Variants in TGFB2 observed in about 807,000 individuals in gnomAD.
TGFB2 encodes the protein transforming growth factor beta 2.
Under a neutral mutation model 42.7 loss-of-function variants are expected in TGFB2, and 13 were observed. That is an observed-to-expected ratio of 0.30 (90% CI 0.20 to 0.48). The LOEUF is 0.48. Ranked by LOEUF, TGFB2 falls within the 20% of genes least tolerant of loss-of-function variation. TGFB2 has a pLI of 0.99. For synonymous variants in TGFB2, 193 were observed against 193.6 expected (o/e 1.00, Z 0.03); for missense variants, 390 against 517.5 (o/e 0.75, Z 2.39).
intron 1 of TGFB2, among the ~76,000 whole-genome samples, chr1:218,390,555 T>A (rs1658287466): frequency 6.6e-6 from 1 of 152,074 alleles, no homozygotes; most frequent in Non-Finnish European, 1.5e-5. Flanking sequence ...AGCTAAACTA[T>A]AGGGGCTTGC....
At chr1:218,388,334 C>T (rs540083986) in intron 1 of TGFB2, among the ~76,000 whole-genome samples, 1 of 151,998 alleles carries the variant, frequency 6.6e-6, no homozygotes, top group Non-Finnish European at 1.5e-5. Context: ...TTGGCCCCCC[C>T]ACATCCAGAG....
chr1:218,346,246 C>G lies in TGFB2; in HGVS notation c.-456C>G, dbSNP rs979600340. ...ACCGCGCTCCCGGCGCCCCTCCCGTCAGTTCGCCAGCTGCCAGCCCCGGGA... is the reference window on the plus strand; with the variant it reads ...ACCGCGCTCCCGGCGCCCCTCCCGTGAGTTCGCCAGCTGCCAGCCCCGGGA... On this transcript the variant is annotated 5_prime_UTR_variant, in exon 1 of 7. Coordinates refer to ENST00000366930, the MANE Select transcript of TGFB2 (RefSeq NM_003238.6). This position sits in a 1 kb window ranked among gnomAD's most constrained non-coding sequence, Gnocchi z 4.9. The G allele has an allele frequency of 2.6e-5, 4 of 156,158 alleles. No individual in the cohort carries two copies. Among genetic ancestry groups the G allele is most frequent in the African/African-American group, 9.6e-5 (4 of 41,502 alleles). The allele number at this position is 156,158 out of a possible 1,614,324, so 9.7% of individuals were successfully genotyped here.
chr1:218,391,796 G>T (rs1043459749), intron 1 of TGFB2, among the ~76,000 whole-genome samples: 2 of 152,234 alleles, frequency 1.3e-5, no homozygotes, highest in East Asian at 1.9e-4. Flanking sequence ...TGAGTGCAAA[G>T]GTCAAAAAAT....
At chr1:218,378,204 T>G (rs936588289) in intron 1 of TGFB2, among the ~76,000 whole-genome samples, 2 of 151,046 alleles carry the variant, frequency 1.3e-5, no homozygotes, top group Non-Finnish European at 2.9e-5. Flanking sequence ...GGAGTCTTGC[T>G]CTGTCGCACC....
intron 6 of TGFB2, among the ~76,000 whole-genome samples, chr1:218,438,414 A>G (rs1179927146): frequency 6.6e-6 from 1 of 152,206 alleles, no homozygotes; most frequent in Non-Finnish European, 1.5e-5. Flanking sequence ...CAATTTACTA[A>G]TGTATGACAG....
intron 2 of TGFB2, among the ~76,000 whole-genome samples, chr1:218,409,315 G>A (rs1343457894): frequency 6.6e-6 from 1 of 152,204 alleles, no homozygotes; most frequent in African/African-American, 2.4e-5. Context: ...TCAGACCACA[G>A]AAGCAATGCC....
At chr1:218,423,119 A>G (rs6657275) in intron 2 of TGFB2, among the ~76,000 whole-genome samples, 57,126 of 152,044 alleles carry the variant, frequency 0.38, 11,647 homozygotes, top group East Asian at 0.71. Context: ...AATGCTCACA[A>G]GAGTGTGTTC....
intron 1 of TGFB2, among the ~76,000 whole-genome samples, chr1:218,364,413 G>A (rs1483961774): frequency 3.9e-5 from 6 of 152,326 alleles, no homozygotes; most frequent in South Asian, 2.1e-4. Context: ...GCTGGACGAT[G>A]AGTCCACAAC....
rs532836218 is a variant in TGFB2 at position 218,355,553 on chromosome 1, C to T, written c.346+8506C>T. 1.2e-4 allele frequency among the ~76,000 whole-genome samples: 18 copies of T among 152,244 alleles called. No individual in the cohort carries two copies. In the South Asian group the frequency reaches 2.7e-3, roughly 23 times the overall value. On this transcript the variant is annotated intron_variant, in intron 1 of 6. Transcript: ENST00000366930. ...CATTGATATTTAAGTTGCTTCCTAC[C>T]GAATTCAGATCTTGGCTCTGCCACT... is the stretch of plus-strand genomic sequence containing the variant.
intron 2 of TGFB2, among the ~76,000 whole-genome samples, chr1:218,431,614 T>A (rs914818544): frequency 2.6e-5 from 4 of 152,258 alleles, no homozygotes; most frequent in African/African-American, 9.6e-5. Context: ...GTTAGCTATG[T>A]GAATAAGATA....
At chr1:218,392,792 C>A (rs1658360617) in intron 1 of TGFB2, among the ~76,000 whole-genome samples, 1 of 152,194 alleles carries the variant, frequency 6.6e-6, no homozygotes, top group South Asian at 2.1e-4. Flanking sequence ...ATGTATTCCT[C>A]TTCGTATTTA....
intron 1 of TGFB2, among the ~76,000 whole-genome samples, chr1:218,389,179 T>C (rs190935868): frequency 2.6e-5 from 4 of 152,344 alleles, no homozygotes; most frequent in Admixed American, 2.0e-4. Context: ...TGGAGGTGCT[T>C]GGTGAAACAC....
chr1:218,424,189 A>C (rs1443395661), intron 2 of TGFB2, among the ~76,000 whole-genome samples: 1 of 152,244 alleles, frequency 6.6e-6, no homozygotes, highest in Non-Finnish European at 1.5e-5. Flanking sequence ...AGAAGCCAGC[A>C]ACAGGTTCTG....
At chr1:218,380,454 G>GTT (rs142899133) in intron 1 of TGFB2, among the ~76,000 whole-genome samples, 42 of 149,626 alleles carry the variant, frequency 2.8e-4, no homozygotes, top group South Asian at 2.1e-3. Context: ...TAGATGGCCT[G>GTT]TTTTTTTTTT....
At chr1:218,414,922 G>C (rs1414976548) in intron 2 of TGFB2, among the ~76,000 whole-genome samples, 1 of 152,162 alleles carries the variant, frequency 6.6e-6, no homozygotes, top group Non-Finnish European at 1.5e-5. Context: ...GCAGAGCCAG[G>C]ATTTGAACCC....
intron 1 of TGFB2, among the ~76,000 whole-genome samples, chr1:218,357,735 T>G (rs560859733): frequency 6.6e-6 from 1 of 152,340 alleles, no homozygotes; most frequent in South Asian, 2.1e-4. Context: ...CAGGCAGCTG[T>G]TTTTCTCTCA....
At chr1:218,412,281 A>G (rs1558251819) in intron 2 of TGFB2, among the ~76,000 whole-genome samples, 1 of 152,242 alleles carries the variant, frequency 6.6e-6, no homozygotes. Flanking sequence ...TCTTGCCAGA[A>G]AGGGAGTTGT....
chr1:218,361,930 T>C (rs966844341), intron 1 of TGFB2, among the ~76,000 whole-genome samples: 8 of 152,224 alleles, frequency 5.3e-5, no homozygotes, highest in Non-Finnish European at 1.2e-4. Flanking sequence ...CAGTATGTGC[T>C]TATAGAATCC....
chr1:218,428,313 T>C (rs1659692675), intron 2 of TGFB2, among the ~76,000 whole-genome samples: 1 of 152,246 alleles, frequency 6.6e-6, no homozygotes, highest in African/African-American at 2.4e-5. Context: ...TAGTTTCTTT[T>C]TGCTGTGCAG....
Sources: gnomAD v4.1 joint callset for allele counts (sites outside exome capture counted in the v4.1 genomes callset) on GRCh38, gnomAD v4.1.1 for gene constraint, Gnocchi (gnomAD v3.1) non-coding constraint, MANE v1.5 for transcripts, NCBI Gene and HGNC (gene_info 2026-07-23, HGNC 2026-07-21) for gene names.